GRM7: variants seen among roughly 807,000 people sequenced by gnomAD.
GRM7 encodes the protein metabotropic glutamate receptor 7.
Under a neutral mutation model 84.5 loss-of-function variants are expected in GRM7, and 35 were observed. That is an observed-to-expected ratio of 0.41 (90% confidence interval 0.32 to 0.55). The LOEUF is 0.55. GRM7 is among the 20% of genes least tolerant of loss of function. The probability of loss-of-function intolerance (pLI) is 0.19; values close to 1 mark genes in which losing one functional copy is unlikely to be tolerated. For missense variants in GRM7, 1,003 were observed against 1,194.6 expected, an observed-to-expected ratio of 0.84 and a Z score of 2.36; for synonymous variants, 487 against 455.1, an observed-to-expected ratio of 1.07 and a Z score of -0.89.
At position 7,692,719 on chromosome 3, in the gene GRM7, C is replaced by G. The variant is rs569615678; in HGVS notation, c.2698+12424C>G. Among the ~76,000 whole-genome samples, 93 of 152,268 alleles carry G rather than the reference C, an allele frequency of 6.1e-4. 1 individual carries two copies. The highest frequency in any genetic ancestry group is 2.1e-3 in the African/African-American group (88 of 41,554). On this transcript the variant is annotated intron_variant, in intron 9 of 9. Coordinates refer to ENST00000357716, the MANE Select transcript of GRM7 (RefSeq NM_000844.4). ...TGAATTAACTTTCTAGTAACACACA[C>G]CAATGAGTGGCAGAGTAGACACCTG...
chr3:6,861,323 G>A lies in GRM7; in HGVS notation c.-66G>A. 6 of 1,381,476 alleles carry A rather than the reference G, an allele frequency of 4.3e-6. No homozygotes were observed. Among genetic ancestry groups the A allele is most frequent in the Non-Finnish European group, 5.7e-6 (6 of 1,061,800 alleles). 85.6% of individuals were successfully genotyped at this position (1,381,476 alleles called of 1,614,324 possible). ...CGGAGGAGCTCGCCCTGAAGGGCCC[G>A]GACCTCGGCGAGCCCACCACCGTTC... is the stretch of plus-strand genomic sequence containing the variant. On this transcript the variant is annotated 5_prime_UTR_variant, in exon 1 of 10. Coordinates refer to ENST00000357716, the MANE Select transcript of GRM7 (RefSeq NM_000844.4). The surrounding 1 kb of genome is among the most constrained non-coding windows in gnomAD (Gnocchi z 6.4).
At chr3:7,164,925 C>A (rs151290318) in intron 2 of GRM7, among the ~76,000 whole-genome samples, 1 of 152,164 alleles carries the variant, frequency 6.6e-6, no homozygotes, top group African/African-American at 2.4e-5. Context: ...TATGAAGAAG[C>A]TGAGAACAGA....
At chr3:6,904,578 C>T (rs895016542) in intron 1 of GRM7, among the ~76,000 whole-genome samples, 8 of 152,258 alleles carry the variant, frequency 5.3e-5, no homozygotes, top group South Asian at 2.1e-4. Context: ...GGTAATTCAA[C>T]GTTCTCAACA....
At chr3:6,989,673 A>G (rs1694558067) in intron 1 of GRM7, among the ~76,000 whole-genome samples, 1 of 152,222 alleles carries the variant, frequency 6.6e-6, no homozygotes, top group African/African-American at 2.4e-5. Context: ...ACTAAATGGG[A>G]GTAATGGAAA....
At chr3:7,297,331 T>C (rs1699848980) in intron 2 of GRM7, among the ~76,000 whole-genome samples, 1 of 152,218 alleles carries the variant, frequency 6.6e-6, no homozygotes, top group African/African-American at 2.4e-5. Context: ...ATTTCTACTT[T>C]GATTCTGTTA....
In GRM7 at chr3:7,078,475, C is replaced by T. The variant is rs1039488542; in HGVS notation, c.520-67977C>T. 3.9e-5 allele frequency among the ~76,000 whole-genome samples: 6 copies of T among 152,158 alleles called. No individual in the cohort carries two copies. In the South Asian group the frequency reaches 1.2e-3, roughly 32 times the overall value. On this transcript the variant is annotated intron_variant, in intron 1 of 9. Coordinates refer to ENST00000357716, the MANE Select transcript of GRM7 (RefSeq NM_000844.4). Reference sequence around the variant, plus strand: ...CTGAATTGTGTGGTTAATTGAGATGCTGCCCTCAAAGCACTTATGTACTAG... The same window carrying T: ...CTGAATTGTGTGGTTAATTGAGATGTTGCCCTCAAAGCACTTATGTACTAG...
chr3:7,662,955 T>C (rs888800299), intron 8 of GRM7, among the ~76,000 whole-genome samples: 3 of 152,218 alleles, frequency 2.0e-5, no homozygotes, highest in South Asian at 2.1e-4. Context: ...TTCTGAGAGA[T>C]GCTGATGTGA....
At chr3:7,692,184 A>G (rs144650070) in intron 9 of GRM7, among the ~76,000 whole-genome samples, 1 of 152,326 alleles carries the variant, frequency 6.6e-6, no homozygotes, top group East Asian at 1.9e-4. Context: ...GAAGGCTATC[A>G]GTCACTCAGC....
intron 5 of GRM7, among the ~76,000 whole-genome samples, chr3:7,434,710 A>G (rs953339729): frequency 1.3e-5 from 2 of 152,126 alleles, no homozygotes; most frequent in Non-Finnish European, 2.9e-5. Context: ...GCTAAGGAAT[A>G]TTATACCTAT....
At position 6,899,986 on chromosome 3, in the gene GRM7, C is replaced by T. The variant is rs9852255; in HGVS notation, c.519+38079C>T. On this transcript the variant is annotated intron_variant, in intron 1 of 9. Coordinates refer to ENST00000357716, the MANE Select transcript of GRM7 (RefSeq NM_000844.4). ...TGTCAAAAATAGCTTTAACTTACTT[C>T]CAGGAAAAAGGCAAAACAAAATAAT... Among the ~76,000 whole-genome samples the T allele has an allele frequency of 6.2e-3, 947 of 152,082 alleles. 5 individuals carry two copies. Among genetic ancestry groups the T allele is most frequent in the African/African-American group, 0.022 (908 of 41,460 alleles).
At chr3:7,487,946 G>C (rs1699385410) in intron 7 of GRM7, among the ~76,000 whole-genome samples, 1 of 152,160 alleles carries the variant, frequency 6.6e-6, no homozygotes, top group Non-Finnish European at 1.5e-5. Flanking sequence ...GCTGTACCCA[G>C]CAAAGCCACA....
chr3:7,255,019 G>C (rs1698143027), intron 2 of GRM7, among the ~76,000 whole-genome samples: 2 of 152,168 alleles, frequency 1.3e-5, no homozygotes, highest in Non-Finnish European at 2.9e-5. Context: ...GATGAGCAAA[G>C]ATTTTGTTAA....
chr3:7,387,787 T>C (rs929832285), intron 4 of GRM7, among the ~76,000 whole-genome samples: 3 of 152,168 alleles, frequency 2.0e-5, no homozygotes, highest in Middle Eastern at 3.2e-3. Context: ...TTTGGTTTTA[T>C]ATGAATTTTA....
intron 1 of GRM7, among the ~76,000 whole-genome samples, chr3:7,013,092 C>T (rs902216314): frequency 4.0e-5 from 6 of 151,194 alleles, no homozygotes; most frequent in African/African-American, 1.5e-4. Flanking sequence ...TTTGCCCTAC[C>T]ATATTTCTGG....
chr3:7,403,849 A>G (rs1695564309), intron 4 of GRM7, among the ~76,000 whole-genome samples: 1 of 151,762 alleles, frequency 6.6e-6, no homozygotes, highest in Non-Finnish European at 1.5e-5. Flanking sequence ...AGATAGATAG[A>G]TAGATAGATA....
At chr3:6,886,774 CAAT>C (rs146018985) in intron 1 of GRM7, among the ~76,000 whole-genome samples, 14,505 of 149,638 alleles carry the variant, frequency 0.097, 811 homozygotes, top group Non-Finnish European at 0.14. Context: ...TGGTCAGTAA[CAAT>C]AATAATAATA....
intron 1 of GRM7, among the ~76,000 whole-genome samples, chr3:6,873,596 C>T (rs1259297075): frequency 6.6e-6 from 1 of 152,186 alleles, no homozygotes; most frequent in Non-Finnish European, 1.5e-5. Context: ...ATGGCAAGCA[C>T]TTAATACAAT....
At chr3:7,545,136 C>T (rs1307541618) in intron 7 of GRM7, among the ~76,000 whole-genome samples, 8 of 152,206 alleles carry the variant, frequency 5.3e-5, no homozygotes, top group Non-Finnish European at 7.4e-5. Context: ...CTTATTCCTG[C>T]TACAGAGCAA....
intron 2 of GRM7, among the ~76,000 whole-genome samples, chr3:7,253,761 G>T (rs73809032): frequency 0.033 from 5,047 of 152,202 alleles, 270 homozygotes; most frequent in African/African-American, 0.11. Context: ...CTAGGGTATG[G>T]TGTAGTAAGT....
Sources: gnomAD v4.1 joint callset for allele counts (sites outside exome capture counted in the v4.1 genomes callset) on GRCh38, gnomAD v4.1.1 for gene constraint, Gnocchi (gnomAD v3.1) non-coding constraint, MANE v1.5 for transcripts, NCBI Gene and HGNC (gene_info 2026-07-23, HGNC 2026-07-21) for gene names.